SPRED2: variants seen among roughly 807,000 people sequenced by gnomAD.
SPRED2 encodes sprouty related EVH1 domain containing 2, also known as sprouty-related, EVH1 domain-containing protein 2.
SPRED2 carries 47 observed loss-of-function variants against 43.0 expected under a neutral mutation model. That is an observed-to-expected ratio of 1.09 (90% CI 0.87 to 1.40). The LOEUF (loss-of-function observed/expected upper bound fraction) is 1.40, where lower values mean the gene tolerates loss of function less well. Ranked by LOEUF, SPRED2 falls within the 40% of genes most tolerant of loss-of-function variation. The pLI, the probability that SPRED2 is intolerant of heterozygous loss-of-function variation, is 0.00. For synonymous variants in SPRED2, 225 were observed against 225.7 expected (o/e 1.00, Z 0.03); for missense variants, 561 against 586.4 (o/e 0.96, Z 0.45).
intron 1 of SPRED2, among the ~76,000 whole-genome samples, chr2:65,348,287 T>A (rs938455702): frequency 2.0e-5 from 3 of 152,184 alleles, no homozygotes; most frequent in African/African-American, 7.2e-5. Flanking sequence ...CCTCCACCCC[T>A]CTTAAATCTT....
rs1053021169 is a variant in SPRED2, at chr2:65,379,229, C to T, written c.27-34333G>A. Among the ~76,000 whole-genome samples, 4 of 152,140 alleles carry T rather than the reference C, an allele frequency of 2.6e-5. 1 individual carries two copies. Among genetic ancestry groups the T allele is most frequent in the Non-Finnish European group, 5.9e-5 (4 of 68,020 alleles). On this transcript the variant is annotated intron_variant, in intron 1 of 5. Coordinates refer to ENST00000356388, the MANE Select transcript of SPRED2 (RefSeq NM_181784.3). ...CCAAGTGTTCCATTGAGTGTTCCCCCTCACCCACCTGAGCATTAAGTGCTA... is the reference window on the plus strand; with the variant it reads ...CCAAGTGTTCCATTGAGTGTTCCCCTTCACCCACCTGAGCATTAAGTGCTA...
In SPRED2 at chr2:65,311,368, G is replaced by T. The variant is rs1195208805; in HGVS notation, c.*2133C>A. On this transcript the variant is annotated 3_prime_UTR_variant, in exon 6 of 6. Coordinates refer to ENST00000356388, the MANE Select transcript of SPRED2 (RefSeq NM_181784.3). ...GATCTGCTAGCGTAACTCTTAAAAG[G>T]GTGGAAAAGGACAAGGGGTGAAAGA... The T allele has an allele frequency of 2.0e-6, 2 of 985,690 alleles. No homozygotes were observed. Among genetic ancestry groups the T allele is most frequent in the Non-Finnish European group, 2.4e-6 (2 of 829,940 alleles). The allele number at this position is 985,690 out of a possible 1,614,324, so 61.1% of individuals were successfully genotyped here.
intron 1 of SPRED2, among the ~76,000 whole-genome samples, chr2:65,360,089 CAAAAAAAAAA>C (rs1674765341): frequency 2.3e-5 from 1 of 43,162 alleles, no homozygotes; most frequent in African/African-American, 5.3e-5. Context: ...CAAAAAAAAA[CAAAAAAAAAA>C]CAAAAAAAAA....
chr2:65,333,173 T>G (rs1673863295), intron 3 of SPRED2, among the ~76,000 whole-genome samples: 1 of 147,778 alleles, frequency 6.8e-6, no homozygotes, highest in Admixed American at 6.9e-5. Context: ...GGCTGAGGCA[T>G]GAGAATCGCT....
chr2:65,397,687 T>C (rs886126944), intron 1 of SPRED2, among the ~76,000 whole-genome samples: 1 of 150,864 alleles, frequency 6.6e-6, no homozygotes, highest in Non-Finnish European at 1.5e-5. Flanking sequence ...CCTTTCTAAA[T>C]AGATTGCCCA....
chr2:65,431,119 C>G (rs996954190), intron 1 of SPRED2, among the ~76,000 whole-genome samples: 1 of 152,058 alleles, frequency 6.6e-6, no homozygotes, highest in African/African-American at 2.4e-5. Flanking sequence ...CGCGGGGCGG[C>G]CCAGGATCCC....
intron 1 of SPRED2, among the ~76,000 whole-genome samples, chr2:65,369,575 T>A (rs76748285): frequency 0.012 from 1,816 of 152,346 alleles, 33 homozygotes; most frequent in African/African-American, 0.04. Context: ...CAGACATTTC[T>A]GTTTGGTCGA....
chr2:65,361,370 G>A (rs1269667876), intron 1 of SPRED2, among the ~76,000 whole-genome samples: 1 of 152,144 alleles, frequency 6.6e-6, no homozygotes, highest in Non-Finnish European at 1.5e-5. Flanking sequence ...AGACAAAAAT[G>A]GCTTTTCTTA....
At chr2:65,318,717 G>A (rs1429920919) in intron 4 of SPRED2, among the ~76,000 whole-genome samples, 1 of 151,928 alleles carries the variant, frequency 6.6e-6, no homozygotes, top group Non-Finnish European at 1.5e-5. Context: ...TGTCACCCAA[G>A]CTGGAGTGCC....
intron 4 of SPRED2, among the ~76,000 whole-genome samples, chr2:65,331,241 C>A (rs6727013): frequency 0.27 from 41,106 of 152,040 alleles, 6,910 homozygotes; most frequent in East Asian, 0.7. Context: ...TACAGCGAAA[C>A]CCCATCTTTG....
intron 1 of SPRED2, among the ~76,000 whole-genome samples, chr2:65,364,777 A>G (rs1362253702): frequency 6.6e-6 from 1 of 152,248 alleles, no homozygotes; most frequent in Non-Finnish European, 1.5e-5. Context: ...AAGGAAAAAA[A>G]AAATGCTACC....
At chr2:65,360,773 C>G (rs1296681554) in intron 1 of SPRED2, among the ~76,000 whole-genome samples, 1 of 152,164 alleles carries the variant, frequency 6.6e-6, no homozygotes, top group Non-Finnish European at 1.5e-5. Flanking sequence ...ATAGTTAACA[C>G]TACTGTACTG....
At chr2:65,316,938 C>G (rs1170363787) in intron 4 of SPRED2, 55 bp from the exon 5 acceptor site, 7 of 1,571,636 alleles carry the variant, frequency 4.5e-6, no homozygotes, top group Non-Finnish European at 6.1e-6. Flanking sequence ...AAAAACCCCA[C>G]GCAGCAAACC....
At chr2:65,344,551 C>T (rs989478194) in intron 2 of SPRED2, 168 bp downstream of exon 2, 13 of 826,840 alleles carry the variant, frequency 1.6e-5, no homozygotes, top group Middle Eastern at 2.2e-4. Context: ...AGGACAGTCA[C>T]GTTTTACAAT....
chr2:65,409,687 C>A (rs1330119124), intron 1 of SPRED2, among the ~76,000 whole-genome samples: 2 of 122,022 alleles, frequency 1.6e-5, no homozygotes, highest in Non-Finnish European at 3.5e-5. Context: ...ACTCCAGTTT[C>A]CTGCAAAAAA....
chr2:65,425,359 C>CTTTA (rs1048579675), intron 1 of SPRED2, among the ~76,000 whole-genome samples: 13 of 152,254 alleles, frequency 8.5e-5, no homozygotes, highest in African/African-American at 3.1e-4. Flanking sequence ...GTTTCTTTAC[C>CTTTA]TTTACCCTCT....
At chr2:65,349,246 TTGCAGTGAGCAGAGAA>T (rs1200626467) in intron 1 of SPRED2, among the ~76,000 whole-genome samples, 6 of 137,690 alleles carry the variant, frequency 4.4e-5, no homozygotes, top group South Asian at 2.3e-4. Context: ...GAGGTGGAGG[TTGCAGTGAGCAGAGAA>T]TGCAGTGAGC....
At chr2:65,342,270 T>G (rs1429454914) in intron 2 of SPRED2, among the ~76,000 whole-genome samples, 1 of 144,096 alleles carries the variant, frequency 6.9e-6, no homozygotes, top group Non-Finnish European at 1.5e-5. Flanking sequence ...TATGTATATT[T>G]TGTATACGTA....
At chr2:65,345,039 T>G in intron 1 of SPRED2, 143 bp from the exon 2 acceptor site, 1 of 716,754 alleles carries the variant, frequency 1.4e-6, no homozygotes, top group Middle Eastern at 4.1e-4. Flanking sequence ...CCTTAAAAAG[T>G]GGTCCATCTC....
Sources: allele counts gnomAD v4.1 joint callset (sites outside exome capture counted in the v4.1 genomes callset), GRCh38; gene constraint gnomAD v4.1.1; transcripts MANE v1.5; gene names NCBI Gene and HGNC (gene_info 2026-07-23, HGNC 2026-07-21).